The following CDH4 variants were observed in gnomAD, a reference collection of about 807,000 sequenced individuals.
CDH4 encodes cadherin-4.
Under a neutral mutation model 86.0 loss-of-function variants are expected in CDH4, and 33 were observed. That is an observed-to-expected ratio of 0.38 (90% CI 0.29 to 0.51). The LOEUF (loss-of-function observed/expected upper bound fraction) is 0.51. Among genes scored for constraint, CDH4 ranks in the 20% least tolerant of loss-of-function variants. The pLI is 0.86. For synonymous variants in CDH4, 555 were observed against 549.4 expected, an observed-to-expected ratio of 1.01 and a Z score of -0.14; for missense variants, 1,114 against 1,307.4, an observed-to-expected ratio of 0.85 and a Z score of 2.28.
chr20:61,555,470 G>T (rs1341223625), intron 2 of CDH4, among the ~76,000 whole-genome samples: 1 of 152,110 alleles, frequency 6.6e-6, no homozygotes, highest in Non-Finnish European at 1.5e-5. Flanking sequence ...TGAGGACAGG[G>T]TCTCATCCTC....
chr20:61,396,649 G>A (rs1156844397), intron 2 of CDH4, among the ~76,000 whole-genome samples: 1 of 152,158 alleles, frequency 6.6e-6, no homozygotes, highest in East Asian at 1.9e-4. Flanking sequence ...TCCACTTGCT[G>A]TGCAGACTTC....
In CDH4 at chr20:61,517,906, C is replaced by T. The variant is rs2085834265; in HGVS notation, c.170-225657C>T. Among the ~76,000 whole-genome samples, 1 of 152,132 alleles carries T rather than the reference C, an allele frequency of 6.6e-6. No homozygotes were observed. The highest frequency in any genetic ancestry group is 2.1e-4 in the South Asian group (1 of 4,822). Reference sequence around the variant, plus strand: ...CAAAACCCATATACCCCTCAGGGTCCCTCCCCCAAATGCACAGACACAGCC... The same window carrying T: ...CAAAACCCATATACCCCTCAGGGTCTCTCCCCCAAATGCACAGACACAGCC... On this transcript the variant is annotated intron_variant, in intron 2 of 15. Transcript: ENST00000614565. This position sits in a 1 kb window ranked among gnomAD's most constrained non-coding sequence, Gnocchi z 6.6.
intron 2 of CDH4, among the ~76,000 whole-genome samples, chr20:61,444,743 G>A (rs1390965542): frequency 6.7e-6 from 1 of 148,362 alleles, no homozygotes; most frequent in East Asian, 2.0e-4. Context: ...GTGTTTCTCT[G>A]TGTGTGTCTG....
chr20:61,270,644 G>A (rs1015185366), intron 2 of CDH4, among the ~76,000 whole-genome samples: 4 of 152,178 alleles, frequency 2.6e-5, no homozygotes, highest in African/African-American at 4.8e-5. Flanking sequence ...GCTGGTAAAC[G>A]TCAATTTTCT....
intron 2 of CDH4, among the ~76,000 whole-genome samples, chr20:61,343,621 A>G (rs920739405): frequency 1.3e-5 from 2 of 152,218 alleles, no homozygotes; most frequent in Non-Finnish European, 2.9e-5. Context: ...GCTTGCGGTA[A>G]CAAATGACCC....
chr20:61,565,266 G>A (rs1487662088), intron 2 of CDH4, among the ~76,000 whole-genome samples: 7 of 121,216 alleles, frequency 5.8e-5, no homozygotes, highest in Non-Finnish European at 1.1e-4. Context: ...GATGGTGGTG[G>A]TGGTCCTCTT....
intron 2 of CDH4, among the ~76,000 whole-genome samples, chr20:61,651,415 G>C (rs2087119505): frequency 1.3e-5 from 2 of 152,356 alleles, no homozygotes; most frequent in East Asian, 3.9e-4. Flanking sequence ...CCTCCCGGGA[G>C]CACCCTTGTG....
intron 2 of CDH4, among the ~76,000 whole-genome samples, chr20:61,578,750 G>A (rs1245286461): frequency 6.6e-6 from 1 of 152,118 alleles, no homozygotes; most frequent in East Asian, 1.9e-4. Context: ...ACTGATATGA[G>A]CTAACATCAC....
chr20:61,745,958 G>A (rs115132675), intron 3 of CDH4, among the ~76,000 whole-genome samples: 1,566 of 152,304 alleles, frequency 0.01, 27 homozygotes, highest in African/African-American at 0.034. Flanking sequence ...TGTGGTTGCC[G>A]CTAGACAGTC....
chr20:61,652,938 A>ATTTTTTTTTTTTTTTTTTTTTTTTTTTTT (rs763918382), intron 2 of CDH4, among the ~76,000 whole-genome samples: 7 of 97,392 alleles, frequency 7.2e-5, no homozygotes, highest in Admixed American at 2.1e-4. Flanking sequence ...TTATTTATTT[A>ATTTTTTTTTTTTTTTTTTTTTTTTTTTTT]TTTTTTTTTT....
At chr20:61,812,069 G>T (rs1980468075) in intron 4 of CDH4, among the ~76,000 whole-genome samples, 1 of 152,206 alleles carries the variant, frequency 6.6e-6, no homozygotes. Context: ...CTCCCCCGCT[G>T]CGGGGGACAC....
At chr20:61,667,592 C>A (rs144482007) in intron 2 of CDH4, among the ~76,000 whole-genome samples, 78 of 152,366 alleles carry the variant, frequency 5.1e-4, no homozygotes, top group African/African-American at 1.8e-3. Context: ...TGCCCCCACA[C>A]ACACCCTGGG....
intron 2 of CDH4, among the ~76,000 whole-genome samples, chr20:61,524,210 G>T (rs2085893837): frequency 6.6e-6 from 1 of 152,136 alleles, no homozygotes; most frequent in South Asian, 2.1e-4. Context: ...GCTATGGAAA[G>T]GTCCTGTTTC....
intron 2 of CDH4, among the ~76,000 whole-genome samples, chr20:61,486,719 ACC>A (rs2085598671): frequency 7.7e-6 from 1 of 130,514 alleles, no homozygotes; most frequent in Non-Finnish European, 1.8e-5. Flanking sequence ...AGGAGACCTC[ACC>A]TCTTAAAAAA....
chr20:61,339,935 T>G (rs2084641200), intron 2 of CDH4, among the ~76,000 whole-genome samples: 1 of 152,228 alleles, frequency 6.6e-6, no homozygotes, highest in African/African-American at 2.4e-5. Context: ...GTCCCACCTC[T>G]AAAGAGTTAT....
chr20:61,803,712 G>A lies in CDH4; in HGVS notation c.576+30530G>A, dbSNP rs76203398. On this transcript the variant is annotated intron_variant, in intron 4 of 15. Coordinates refer to ENST00000614565, the MANE Select transcript of CDH4 (RefSeq NM_001794.5). The stretch of plus-strand genomic sequence containing the variant: ...TCCCCAAGGGAGGTTGGAAGGAAAC[G>A]TTCAACTGTGTGCTTCCCAGAGCCC... 4.4e-3 allele frequency among the ~76,000 whole-genome samples: 665 copies of A among 152,346 alleles called. 2 individuals carry two copies. Among genetic ancestry groups the A allele is most frequent in the African/African-American group, 0.015 (607 of 41,580 alleles).
At chr20:61,280,195 G>C (rs919436228) in intron 2 of CDH4, among the ~76,000 whole-genome samples, 2 of 152,164 alleles carry the variant, frequency 1.3e-5, no homozygotes, top group African/African-American at 4.8e-5. Flanking sequence ...GAGCAGGATG[G>C]GAGGGTGAGA....
At chr20:61,782,850 G>A (rs982005923) in intron 4 of CDH4, among the ~76,000 whole-genome samples, 1 of 152,208 alleles carries the variant, frequency 6.6e-6, no homozygotes, top group South Asian at 2.1e-4. Flanking sequence ...TTGGGAGGCC[G>A]AGGTGGACGT....
intron 2 of CDH4, among the ~76,000 whole-genome samples, chr20:61,538,211 C>A (rs889656922): frequency 2.0e-5 from 3 of 152,152 alleles, no homozygotes; most frequent in African/African-American, 7.2e-5. Flanking sequence ...CATGGGCTTT[C>A]CTTTGAACCT....
Sources: gnomAD v4.1 joint callset for allele counts (sites outside exome capture counted in the v4.1 genomes callset) on GRCh38, gnomAD v4.1.1 for gene constraint, Gnocchi (gnomAD v3.1) non-coding constraint, MANE v1.5 for transcripts, NCBI Gene and HGNC (gene_info 2026-07-23, HGNC 2026-07-21) for gene names.